The following RAD51B variants were observed in gnomAD, a reference collection of about 807,000 sequenced individuals.
RAD51B encodes the protein DNA repair protein RAD51 homolog 2.
RAD51B carries 38 observed loss-of-function variants against 42.2 expected under a neutral mutation model. That is an observed-to-expected ratio of 0.90 (90% CI 0.70 to 1.18). The LOEUF is 1.18. RAD51B is among the 50% of genes most tolerant of loss of function. RAD51B has a pLI of 0.00. For missense variants in RAD51B, 373 were observed against 400.7 expected, an observed-to-expected ratio of 0.93 and a Z score of 0.59; for synonymous variants, 154 against 145.2, an observed-to-expected ratio of 1.06 and a Z score of -0.43.
intron 10 of RAD51B, chr14:68,497,588 A>G (rs1461444063): frequency 1.1e-6 from 1 of 951,570 alleles, no homozygotes; most frequent in Non-Finnish European, 1.3e-6. Flanking sequence ...TTCCGTGGCA[A>G]CTAGATATCA....
intron 7 of RAD51B, among the ~76,000 whole-genome samples, chr14:68,256,965 G>A (rs998881195): frequency 6.6e-6 from 1 of 152,058 alleles, no homozygotes; most frequent in Non-Finnish European, 1.5e-5. Context: ...CTGGAGTATA[G>A]GTTCCAGGAA....
intron 10 of RAD51B, among the ~76,000 whole-genome samples, chr14:68,578,794 G>A (rs919873461): frequency 6.6e-6 from 1 of 152,250 alleles, no homozygotes; most frequent in Admixed American, 6.5e-5. Context: ...GGCAGACAGA[G>A]AGGTGACAAG....
At chr14:68,136,286 G>A (rs1166046222) in intron 7 of RAD51B, among the ~76,000 whole-genome samples, 1 of 152,100 alleles carries the variant, frequency 6.6e-6, no homozygotes, top group Admixed American at 6.5e-5. Flanking sequence ...CAAATTAAAG[G>A]TGGATCAGGC....
intron 8 of RAD51B, among the ~76,000 whole-genome samples, chr14:68,330,928 A>G (rs1420410937): frequency 6.6e-6 from 1 of 152,138 alleles, no homozygotes; most frequent in Non-Finnish European, 1.5e-5. Context: ...TCTAGTATGT[A>G]TGTGGCATAT....
At chr14:68,113,867 G>A (rs2077498634) in intron 7 of RAD51B, 1 of 152,044 alleles carries the variant, frequency 6.6e-6, no homozygotes, top group South Asian at 2.1e-4. Flanking sequence ...TCTCCTGTAT[G>A]AATTTAGTAA....
chr14:67,845,748 C>T (rs1420273617), intron 4 of RAD51B, among the ~76,000 whole-genome samples: 2 of 152,056 alleles, frequency 1.3e-5, no homozygotes, highest in Admixed American at 6.6e-5. Context: ...ATATAGTCCT[C>T]CAATCTCTTC....
intron 7 of RAD51B, among the ~76,000 whole-genome samples, chr14:68,183,104 A>G (rs2140887437): frequency 6.6e-6 from 1 of 152,322 alleles, no homozygotes; most frequent in South Asian, 2.1e-4. Flanking sequence ...AGATGAATAT[A>G]TGAAGGGAAA....
At chr14:68,408,892 C>G (rs982209993) in intron 8 of RAD51B, among the ~76,000 whole-genome samples, 1 of 152,092 alleles carries the variant, frequency 6.6e-6, no homozygotes, top group Non-Finnish European at 1.5e-5. Flanking sequence ...GATGAATTCT[C>G]GAACTCACCA....
chr14:68,675,341 C>T (rs1404405903), intron 11 of RAD51B, among the ~76,000 whole-genome samples: 2 of 152,086 alleles, frequency 1.3e-5, no homozygotes, highest in African/African-American at 4.8e-5. Context: ...CAACATGGTG[C>T]CACAGGATGG....
chr14:68,601,667 A>G (rs12878344), intron 10 of RAD51B, among the ~76,000 whole-genome samples: 103,033 of 151,890 alleles, frequency 0.68, 35,320 homozygotes, highest in East Asian at 0.74. Flanking sequence ...CCATTCATGT[A>G]GTATTCTTCT....
chr14:67,832,244 G>A (rs2041077772), intron 3 of RAD51B, among the ~76,000 whole-genome samples: 1 of 152,208 alleles, frequency 6.6e-6, no homozygotes, highest in Admixed American at 6.5e-5. Flanking sequence ...CCAAAGTGCT[G>A]GGATTACAGG....
intron 10 of RAD51B, among the ~76,000 whole-genome samples, chr14:68,512,770 A>C (rs570934341): frequency 6.6e-6 from 1 of 152,092 alleles, no homozygotes; most frequent in Non-Finnish European, 1.5e-5. Flanking sequence ...ACAAACCAAC[A>C]AACATACATA....
intron 7 of RAD51B, among the ~76,000 whole-genome samples, chr14:67,933,053 C>G (rs1354008884): frequency 6.6e-6 from 1 of 152,198 alleles, no homozygotes; most frequent in Non-Finnish European, 1.5e-5. Context: ...AGCTATTATG[C>G]TTACCCATCT....
chr14:68,060,957 A>G (rs1042934923), intron 7 of RAD51B, among the ~76,000 whole-genome samples: 5 of 150,910 alleles, frequency 3.3e-5, no homozygotes, highest in African/African-American at 1.2e-4. Context: ...TGTCAGTACC[A>G]TGCTGTCTTG....
chr14:68,171,511 G>A (rs1191710744), intron 7 of RAD51B, among the ~76,000 whole-genome samples: 3 of 151,872 alleles, frequency 2.0e-5, no homozygotes, highest in Admixed American at 1.3e-4. Flanking sequence ...ATGTTGGCCC[G>A]GCTCGTCTCA....
At chr14:68,226,924 G>A (rs1009329536) in intron 7 of RAD51B, among the ~76,000 whole-genome samples, 3 of 152,008 alleles carry the variant, frequency 2.0e-5, no homozygotes, top group African/African-American at 7.3e-5. Flanking sequence ...TCTTTACTTC[G>A]TTTCTTTTTT....
At chr14:68,212,858 C>T (rs2069102588) in intron 7 of RAD51B, among the ~76,000 whole-genome samples, 2 of 152,118 alleles carry the variant, frequency 1.3e-5, no homozygotes, top group South Asian at 4.1e-4. Flanking sequence ...CACAGTTCAT[C>T]TTATTGGTTA....
In RAD51B at chr14:68,042,713, G is replaced by T. The variant is rs1278947108; in HGVS notation, c.756+155509G>T. ...AGTGTGACTTATTTATGCTTCAGGG[G>T]TTGTCAGTGTATACACAATAGAGAA... On this transcript the variant is annotated intron_variant, in intron 7 of 10. Transcript: ENST00000471583. 2.0e-5 allele frequency among the ~76,000 whole-genome samples: 3 copies of T among 152,320 alleles called. No individual in the cohort carries two copies. In the East Asian group the frequency reaches 5.8e-4, roughly 29 times the overall value.
intron 8 of RAD51B, among the ~76,000 whole-genome samples, chr14:68,408,214 A>G (rs1275720952): frequency 6.6e-6 from 1 of 152,222 alleles, no homozygotes; most frequent in Non-Finnish European, 1.5e-5. Context: ...AGGATTTTAC[A>G]GTTAAATCAG....
Sources: gnomAD v4.1 joint callset for allele counts (sites outside exome capture counted in the v4.1 genomes callset) on GRCh38, gnomAD v4.1.1 for gene constraint, MANE v1.5 for transcripts, NCBI Gene and HGNC (gene_info 2026-07-23, HGNC 2026-07-21) for gene names.